KCNJ6: variants seen among roughly 807,000 people sequenced by gnomAD.
KCNJ6 encodes the protein G protein-activated inward rectifier potassium channel 2.
A neutral mutation model predicts 34.2 loss-of-function variants in KCNJ6; 9 were observed. That is an observed-to-expected ratio of 0.26 (90% confidence interval 0.16 to 0.46). The LOEUF is 0.46. KCNJ6 is among the 20% of genes least tolerant of loss of function. The pLI is 1.00. For missense variants in KCNJ6, 236 were observed against 531.3 expected (o/e 0.44, Z 5.46); for synonymous variants, 196 against 207.1 (o/e 0.95, Z 0.46).
At chr21:37,816,540 G>A (rs1601485613) in intron 2 of KCNJ6, among the ~76,000 whole-genome samples, 1 of 152,332 alleles carries the variant, frequency 6.6e-6, no homozygotes, top group Non-Finnish European at 1.5e-5. Flanking sequence ...GTGTAAGTCT[G>A]TGACCTGTCT....
chr21:37,730,230 T>C (rs1372225104), intron 2 of KCNJ6, among the ~76,000 whole-genome samples: 4 of 152,220 alleles, frequency 2.6e-5, no homozygotes, highest in Non-Finnish European at 1.5e-5. Flanking sequence ...TAAGTCTTCA[T>C]ATGCAAAATA....
At chr21:37,628,703 A>C (rs775874807) in intron 3 of KCNJ6, among the ~76,000 whole-genome samples, 1 of 152,238 alleles carries the variant, frequency 6.6e-6, no homozygotes, top group Non-Finnish European at 1.5e-5. Context: ...AACCACAAGT[A>C]AGGTGAACCC....
At chr21:37,903,743 CA>C (rs541089164) in intron 1 of KCNJ6, among the ~76,000 whole-genome samples, 1,551 of 107,460 alleles carry the variant, frequency 0.014, 19 homozygotes, top group South Asian at 0.044. Flanking sequence ...CAAAACAAAA[CA>C]AAAAAAAACG....
At chr21:37,902,663 TG>T (rs2055822532) in intron 1 of KCNJ6, among the ~76,000 whole-genome samples, 1 of 152,166 alleles carries the variant, frequency 6.6e-6, no homozygotes, top group South Asian at 2.1e-4. Flanking sequence ...CAAAGAAGTT[TG>T]CATCTGGCAG....
chr21:37,876,117 A>T (rs776816536), intron 1 of KCNJ6, among the ~76,000 whole-genome samples: 54 of 152,222 alleles, frequency 3.5e-4, no homozygotes, highest in Non-Finnish European at 7.3e-4. Context: ...CAGAGCATTA[A>T]ATCAAGCATG....
rs2054235128 is a variant in KCNJ6 at position 37,609,509 on chromosome 21, G to C, written c.*15650C>G. On this transcript the variant is annotated 3_prime_UTR_variant, in exon 4 of 4. Transcript: ENST00000609713. ...ACAGAACAACCCTATATTTTACTGG[G>C]CCATAGTAAACATTTTGGGCCTTAA... is the stretch of plus-strand genomic sequence containing the variant. The C allele has an allele frequency of 6.6e-6, 1 of 152,084 alleles. No homozygotes were observed. Among genetic ancestry groups the C allele is most frequent in the African/African-American group, 2.4e-5 (1 of 41,372 alleles). The allele number at this position is 152,084 out of a possible 1,614,324, so 9.4% of individuals were successfully genotyped here. A position where few individuals can be genotyped will look rare whatever the true frequency, so the allele number is the denominator to read the frequency against.
intron 3 of KCNJ6, among the ~76,000 whole-genome samples, chr21:37,628,919 A>C (rs1027620402): frequency 2.0e-5 from 3 of 152,254 alleles, no homozygotes; most frequent in Non-Finnish European, 4.4e-5. Context: ...AAGACTGGCA[A>C]CCAAGATTCC....
intron 3 of KCNJ6, among the ~76,000 whole-genome samples, chr21:37,673,782 G>A (rs1464701177): frequency 1.3e-5 from 2 of 152,228 alleles, no homozygotes; most frequent in Admixed American, 6.5e-5. Flanking sequence ...GATGTGCTGG[G>A]CTTTGAAGGA....
intron 3 of KCNJ6, among the ~76,000 whole-genome samples, chr21:37,644,903 C>T (rs1306499669): frequency 1.3e-5 from 2 of 152,042 alleles, no homozygotes; most frequent in Non-Finnish European, 2.9e-5. Context: ...TGCCCTCCCT[C>T]CTCACCTCCG....
Position 37,763,884 on chromosome 21 carries a change from G to T in KCNJ6, c.26-48753C>A, listed in dbSNP as rs1398112548. Among the ~76,000 whole-genome samples, 7 of 152,086 alleles carry T rather than the reference G, an allele frequency of 4.6e-5. No individual in the cohort carries two copies. The South Asian group carries it at 1.5e-3, about 32-fold the overall frequency. ...TTAATGGGTGCAGCACACCAACATG[G>T]AACATGTATGTTCATATGTAACAAA... On this transcript the variant is annotated intron_variant, in intron 2 of 3. Transcript: ENST00000609713.
Position 37,725,746 on chromosome 21 carries a change from G to T in KCNJ6, c.26-10615C>A, listed in dbSNP as rs1407991633. Among the ~76,000 whole-genome samples the T allele has an allele frequency of 2.6e-5, 4 of 152,152 alleles. 1 individual carries two copies. Among genetic ancestry groups the T allele is most frequent in the African/African-American group, 9.7e-5 (4 of 41,424 alleles). On this transcript the variant is annotated intron_variant, in intron 2 of 3. Transcript: ENST00000609713. ...CCTCTTTTATAATAGTGAAAAATCAGAAACAACCCAAATGTCTATCACCAG... is the reference window on the plus strand; with the variant it reads ...CCTCTTTTATAATAGTGAAAAATCATAAACAACCCAAATGTCTATCACCAG...
chr21:37,707,193 C>T lies in KCNJ6; in HGVS notation c.946+7018G>A, dbSNP rs78658256. 1.4e-4 allele frequency among the ~76,000 whole-genome samples: 21 copies of T among 152,340 alleles called. No individual in the cohort carries two copies. The East Asian group carries it at 3.3e-3, about 24-fold the overall frequency. ...CCTGGTGCTCACAGGTTAACACTCG[C>T]TGTTTTGACTATTCAGAGTGGTTTT... On this transcript the variant is annotated intron_variant, in intron 3 of 3. Coordinates refer to ENST00000609713, the MANE Select transcript of KCNJ6 (RefSeq NM_002240.5).
intron 2 of KCNJ6, among the ~76,000 whole-genome samples, chr21:37,725,637 C>T (rs993988990): frequency 6.6e-6 from 1 of 152,144 alleles, no homozygotes; most frequent in Non-Finnish European, 1.5e-5. Flanking sequence ...TGAAAATTCA[C>T]CTTGGACTGA....
intron 3 of KCNJ6, among the ~76,000 whole-genome samples, chr21:37,637,560 T>C (rs1158680344): frequency 6.6e-6 from 1 of 152,136 alleles, no homozygotes; most frequent in Non-Finnish European, 1.5e-5. Flanking sequence ...GAGCCAACCA[T>C]CTGGTCCCTG....
chr21:37,747,290 C>T (rs2835926), intron 2 of KCNJ6, among the ~76,000 whole-genome samples: 24,743 of 151,856 alleles, frequency 0.16, 2,440 homozygotes, highest in South Asian at 0.27. Context: ...GGGATTTATG[C>T]CTTGCCTTAG....
intron 1 of KCNJ6, among the ~76,000 whole-genome samples, chr21:37,857,209 G>A (rs564591258): frequency 6.6e-6 from 1 of 152,292 alleles, no homozygotes; most frequent in African/African-American, 2.4e-5. Flanking sequence ...TACAACCTCA[G>A]AACATGTATG....
intron 3 of KCNJ6, among the ~76,000 whole-genome samples, chr21:37,703,521 G>T (rs186765332): frequency 3.9e-5 from 6 of 152,306 alleles, no homozygotes; most frequent in Admixed American, 3.9e-4. Flanking sequence ...AGTTTGGTGG[G>T]TTGGAAGATA....
chr21:37,736,660 G>A (rs954449805), intron 2 of KCNJ6, among the ~76,000 whole-genome samples: 6 of 152,152 alleles, frequency 3.9e-5, no homozygotes, highest in East Asian at 1.9e-4. Context: ...CCAGTGTCCC[G>A]ATGGGGAGAT....
intron 1 of KCNJ6, among the ~76,000 whole-genome samples, chr21:37,900,903 A>G (rs2055813803): frequency 6.6e-6 from 1 of 152,238 alleles, no homozygotes. Flanking sequence ...GAATTATCAA[A>G]TAACAATATC....
Sources: allele counts gnomAD v4.1 joint callset (sites outside exome capture counted in the v4.1 genomes callset), GRCh38; gene constraint gnomAD v4.1.1; transcripts MANE v1.5; gene names NCBI Gene and HGNC (gene_info 2026-07-23, HGNC 2026-07-21).